The following UBE4A variants were observed in gnomAD, a reference collection of about 807,000 sequenced individuals.
UBE4A encodes ubiquitination factor E4A.
A neutral mutation model predicts 117.9 loss-of-function variants in UBE4A; 48 were observed. The ratio of observed to expected loss-of-function variants is 0.41; its 90% CI spans 0.32 to 0.52. The LOEUF is 0.52. Ranked by LOEUF, UBE4A falls within the 20% of genes least tolerant of loss-of-function variation. The pLI is 0.33. For synonymous variants in UBE4A, 407 were observed against 450.0 expected (o/e 0.90, Z 1.21); for missense variants, 1,067 against 1,296.3 (o/e 0.82, Z 2.72).
chr11:118,374,476 G>A (rs1434673125), intron 8 of UBE4A, among the ~76,000 whole-genome samples: 1 of 152,156 alleles, frequency 6.6e-6, no homozygotes, highest in Admixed American at 6.5e-5. Context: ...AACTAGCAGT[G>A]GCCAAATCTG....
Position 118,382,576 on chromosome 11 carries a change from G to T in UBE4A, c.2010-13G>T. The T allele has an allele frequency of 6.6e-7, 1 of 1,512,632 alleles. No homozygotes were observed. Among genetic ancestry groups the T allele is most frequent in the Non-Finnish European group, 8.9e-7 (1 of 1,120,554 alleles). 93.7% of individuals were successfully genotyped at this position (1,512,632 alleles called of 1,614,324 possible). On this transcript the variant is annotated splice_polypyrimidine_tract_variant and intron_variant, in intron 12 of 19. Coordinates refer to ENST00000252108, the MANE Select transcript of UBE4A (RefSeq NM_001204077.2). ...AGCTTATCTGCTCATCTTGCTTTTT[G>T]CCCATTTTGCAGAATGAAGAATCCC... is the stretch of plus-strand genomic sequence containing the variant.
rs1330300246 is a variant in UBE4A, at chr11:118,376,750, G to A, written c.1571+56G>A. On this transcript the variant is annotated intron_variant, in intron 10 of 19. Coordinates refer to ENST00000252108, the MANE Select transcript of UBE4A (RefSeq NM_001204077.2). Reference sequence around the variant, plus strand: ...AGTTTAGTTGTGTTGATAACTAGAAGGTAGAAATTGAGTCTTTGGCCAGGC... The same window carrying A: ...AGTTTAGTTGTGTTGATAACTAGAAAGTAGAAATTGAGTCTTTGGCCAGGC... 3 of 1,583,114 alleles carry A rather than the reference G, an allele frequency of 1.9e-6. No homozygotes were observed. In the African/African-American group the frequency reaches 4.1e-5, roughly 21 times the overall value.
At chr11:118,391,020 T>C (rs782043589) in intron 18 of UBE4A, among the ~76,000 whole-genome samples, 1 of 151,618 alleles carries the variant, frequency 6.6e-6, no homozygotes, top group African/African-American at 2.4e-5. Context: ...CTCCTAAAAA[T>C]CCATGCAAAA....
At position 118,376,796 on chromosome 11, in the gene UBE4A, T is replaced by C. The variant is rs1948656449; in HGVS notation, c.1571+102T>C. On this transcript the variant is annotated intron_variant, in intron 10 of 19. Coordinates refer to ENST00000252108, the MANE Select transcript of UBE4A (RefSeq NM_001204077.2). ...CAGGCACAGTAGCTCACATCTTTAA[T>C]CTCAGGATTTTGGGAGGCCAAGGCA... The C allele has an allele frequency of 3.6e-6, 5 of 1,402,816 alleles. No individual in the cohort carries two copies. The South Asian group carries it at 6.1e-5, about 17-fold the overall frequency. The allele number at this position is 1,402,816 out of a possible 1,614,324, so 86.9% of individuals were successfully genotyped here. A position where few individuals can be genotyped will look rare whatever the true frequency, so the allele number is the denominator to read the frequency against.
intron 4 of UBE4A, among the ~76,000 whole-genome samples, chr11:118,371,142 C>T (rs1948605129): frequency 6.6e-6 from 1 of 152,208 alleles, no homozygotes; most frequent in African/African-American, 2.4e-5. Context: ...CAGTTGACAG[C>T]TTGCAGTTTA....
chr11:118,366,818 C>T (rs971272762), intron 2 of UBE4A, among the ~76,000 whole-genome samples: 17 of 152,342 alleles, frequency 1.1e-4, no homozygotes, highest in Non-Finnish European at 2.1e-4. Context: ...CCTGTAATCC[C>T]AGCTCCTTGG....
At chr11:118,387,955 A>G (rs1384405329) in intron 16 of UBE4A, among the ~76,000 whole-genome samples, 1 of 152,168 alleles carries the variant, frequency 6.6e-6, no homozygotes, top group African/African-American at 2.4e-5. Context: ...TCCAGAAAGA[A>G]TGTTTCCAAA....
At chr11:118,391,747 T>G (rs1315474454) in intron 18 of UBE4A, among the ~76,000 whole-genome samples, 1 of 145,642 alleles carries the variant, frequency 6.9e-6, no homozygotes, top group Non-Finnish European at 1.5e-5. Context: ...TGAGCCAAGA[T>G]AGTGCCACTG....
chr11:118,391,655 G>A (rs1344427089), intron 18 of UBE4A, among the ~76,000 whole-genome samples: 1 of 151,862 alleles, frequency 6.6e-6, no homozygotes, highest in East Asian at 1.9e-4. Context: ...TTAGCCGGGC[G>A]TGGTGGCAGG....
In UBE4A at chr11:118,368,693, G is replaced by C; in HGVS notation, c.184G>C (p.Asp62His). Residue 62 changes from aspartate (D) to histidine (H), a missense_variant, in exon 3 of 20, where the codon GAT (aspartate) becomes CAT (histidine). By Grantham distance (81) the Asp-to-His change is moderately conservative. Coordinates refer to ENST00000252108, the MANE Select transcript of UBE4A (RefSeq NM_001204077.2). ...NSVSESLDEF[D>H]YSVAEISRSF... ...CGTGTCAGAGAGCCTGGATGAATTCGATTACTCTGTGGCTGAGATTAGCCG... is the reference window on the plus strand; with the variant it reads ...CGTGTCAGAGAGCCTGGATGAATTCCATTACTCTGTGGCTGAGATTAGCCG... The C allele has an allele frequency of 6.2e-7, 1 of 1,614,162 alleles. No individual in the cohort carries two copies. Among genetic ancestry groups the C allele is most frequent in the Non-Finnish European group, 8.5e-7 (1 of 1,180,016 alleles).
At chr11:118,364,032 C>G (rs1948543615) in intron 1 of UBE4A, among the ~76,000 whole-genome samples, 1 of 152,090 alleles carries the variant, frequency 6.6e-6, no homozygotes, top group Non-Finnish European at 1.5e-5. Context: ...TTTCTAAGGT[C>G]TCTGTCCTTA....
chr11:118,396,360 A>G lies in UBE4A; in HGVS notation c.3121A>G (p.Ile1041Val). The G allele has an allele frequency of 1.2e-6, 2 of 1,613,928 alleles. No individual in the cohort carries two copies. The highest frequency in any genetic ancestry group is 1.7e-6 in the Non-Finnish European group (2 of 1,179,924). Residue 1041 changes from isoleucine to valine, a missense_variant, in exon 20 of 20, where the codon ATC becomes GTC. Physicochemically the swap from Ile to Val is conservative, Grantham distance 29. This residue lies in a region of UBE4A where 32 missense variants were observed against 34.5 expected (regional missense o/e 0.93). Transcript: ENST00000252108. Reference sequence around the variant, plus strand: ...CCGTAGTCCCCTCACCATGGACCAGATCCGGCCAAACACAGAACTAAAAGA... The same window carrying G: ...CCGTAGTCCCCTCACCATGGACCAGGTCCGGCCAAACACAGAACTAAAAGA... ...FNRSPLTMDQ[I>V]RPNTELKEKI...
rs1388182560 is a variant in UBE4A, at chr11:118,398,014, G to A, written c.*1574G>A. The A allele has an allele frequency of 3.3e-5, 5 of 152,596 alleles. No individual in the cohort carries two copies. The highest frequency in any genetic ancestry group is 5.9e-5 in the Non-Finnish European group (4 of 68,030). The allele number at this position is 152,596 out of a possible 1,614,324, so 9.5% of individuals were successfully genotyped here. On this transcript the variant is annotated 3_prime_UTR_variant, in exon 20 of 20. Coordinates refer to ENST00000252108, the MANE Select transcript of UBE4A (RefSeq NM_001204077.2). ...TGTGCTCCCTGGGCCTTTATGGCAT[G>A]GGTTGACAGGATTTGTTTATTTTCT... is the stretch of plus-strand genomic sequence containing the variant.
At chr11:118,382,474 C>G (rs1289895042) in intron 12 of UBE4A, 115 bp from the exon 13 acceptor site, 5 of 777,472 alleles carry the variant, frequency 6.4e-6, no homozygotes, top group Non-Finnish European at 6.7e-6. Flanking sequence ...GAAGTGGATC[C>G]TTTTTTTTCC....
intron 1 of UBE4A, among the ~76,000 whole-genome samples, chr11:118,362,727 A>G (rs993654812): frequency 1.3e-5 from 2 of 152,218 alleles, no homozygotes; most frequent in African/African-American, 4.8e-5. Context: ...CTGGCTTATC[A>G]ACTCAATCAG....
At chr11:118,391,780 C>T (rs926020390) in intron 18 of UBE4A, among the ~76,000 whole-genome samples, 30 of 147,780 alleles carry the variant, frequency 2.0e-4, no homozygotes, top group African/African-American at 5.3e-4. Flanking sequence ...GGCAAAAGAG[C>T]GAGACTCCAT....
chr11:118,386,046 A>G (rs1330861910), intron 15 of UBE4A, among the ~76,000 whole-genome samples: 1 of 152,140 alleles, frequency 6.6e-6, no homozygotes, highest in Non-Finnish European at 1.5e-5. Context: ...TTTGTAAGCA[A>G]TTTGGCAGGG....
chr11:118,379,564 C>T lies in UBE4A; in HGVS notation c.1690C>T (p.Leu564=). ...ADNLREQFER[L]MTIYLSTKTA... is the part of the protein sequence containing the mutation. Reference sequence around the variant, plus strand: ...CAATCTTCGTGAGCAGTTTGAACGACTGATGACCATCTATCTTTCTACCAA... The same window carrying T: ...CAATCTTCGTGAGCAGTTTGAACGATTGATGACCATCTATCTTTCTACCAA... The change falls in exon 11 of 20, where the codon CTG becomes TTG. Residue 564 remains leucine, a synonymous_variant. Transcript: ENST00000252108. 6.2e-7 allele frequency: 1 copy of T among 1,614,244 alleles called. No homozygotes were observed. Among genetic ancestry groups the T allele is most frequent in the Non-Finnish European group, 8.5e-7 (1 of 1,180,038 alleles).
At chr11:118,367,742 C>T (rs1948576271) in intron 2 of UBE4A, among the ~76,000 whole-genome samples, 1 of 152,074 alleles carries the variant, frequency 6.6e-6, no homozygotes, top group Non-Finnish European at 1.5e-5. Context: ...TCGTGATCCG[C>T]CTGCCTCAGC....
Sources: allele counts gnomAD v4.1 joint callset (sites outside exome capture counted in the v4.1 genomes callset), GRCh38; gene constraint gnomAD v4.1.1; regional missense constraint gnomAD v4.1.1; transcripts MANE v1.5; gene names NCBI Gene and HGNC (gene_info 2026-07-23, HGNC 2026-07-21).